The following PPP6R3 variants were observed in gnomAD, a reference collection of about 807,000 sequenced individuals.
PPP6R3 encodes serine/threonine-protein phosphatase 6 regulatory subunit 3.
PPP6R3 carries 38 observed loss-of-function variants against 110.7 expected under a neutral mutation model. That is an observed-to-expected ratio of 0.34 (90% CI 0.26 to 0.45). PPP6R3 has a LOEUF of 0.45. Ranked by LOEUF, PPP6R3 falls within the 20% of genes least tolerant of loss-of-function variation. The probability of loss-of-function intolerance (pLI) is 1.00; values close to 1 mark genes in which losing one functional copy is unlikely to be tolerated. For synonymous variants in PPP6R3, 369 were observed against 373.5 expected (o/e 0.99, Z 0.14); for missense variants, 870 against 1,062.4 (o/e 0.82, Z 2.52).
At chr11:68,558,977 T>C (rs1294201448) in intron 8 of PPP6R3, among the ~76,000 whole-genome samples, 1 of 152,246 alleles carries the variant, frequency 6.6e-6, no homozygotes, top group East Asian at 1.9e-4. Flanking sequence ...AAAACATGTA[T>C]AATGGCTGAA....
chr11:68,493,303 G>A (rs1475092193), intron 1 of PPP6R3, among the ~76,000 whole-genome samples: 1 of 152,034 alleles, frequency 6.6e-6, no homozygotes, highest in East Asian at 1.9e-4. Context: ...TTATATTACA[G>A]TATACATTGG....
chr11:68,590,784 A>G, intron 17 of PPP6R3, 70 bp downstream of exon 17: 2 of 1,437,156 alleles, frequency 1.4e-6, no homozygotes, highest in Non-Finnish European at 1.9e-6. Flanking sequence ...CCCTGTGTGG[A>G]TGCCACATGC....
At chr11:68,590,736 A>G in intron 17 of PPP6R3, 22 bp downstream of exon 17, 1 of 1,562,778 alleles carries the variant, frequency 6.4e-7, no homozygotes, top group Non-Finnish European at 8.7e-7. Flanking sequence ...CTCTGTTGTG[A>G]GCAGTGTGGC....
Position 68,570,949 on chromosome 11 carries a change from A to T in PPP6R3, c.1279-91A>T, listed in dbSNP as rs1293558368. The T allele has an allele frequency of 6.9e-6, 10 of 1,445,496 alleles. No homozygotes were observed. The East Asian group carries it at 2.4e-4, about 35-fold the overall frequency. The allele number at this position is 1,445,496 out of a possible 1,614,324, so 89.5% of individuals were successfully genotyped here. On this transcript the variant is annotated intron_variant, in intron 11 of 23. Coordinates refer to ENST00000393800, the MANE Select transcript of PPP6R3 (RefSeq NM_001164161.2). ...ACATTTAGCTTGCTAGATTATGCAT[A>T]CTACTATTCTCTTTAACCTAGAGTT...
chr11:68,575,766 C>T (rs2099528608), intron 13 of PPP6R3, among the ~76,000 whole-genome samples, 192 bp from the exon 14 acceptor site: 1 of 152,188 alleles, frequency 6.6e-6, no homozygotes. Flanking sequence ...GGATTTGGGC[C>T]TATGGAAGGT....
At chr11:68,595,968 G>T in intron 18 of PPP6R3, 129 bp from the exon 19 acceptor site, 3 of 1,194,192 alleles carry the variant, frequency 2.5e-6, no homozygotes, top group East Asian at 2.5e-5. Flanking sequence ...TGACCACGTG[G>T]TGCTCAGACA....
chr11:68,493,657 TAC>T (rs1211426881), intron 1 of PPP6R3, among the ~76,000 whole-genome samples: 3 of 141,482 alleles, frequency 2.1e-5, no homozygotes, highest in Non-Finnish European at 1.5e-5. Context: ...TACAAAAAAA[TAC>T]ACACACACAC....
At chr11:68,469,463 T>C (rs75793402) in intron 1 of PPP6R3, among the ~76,000 whole-genome samples, 2,069 of 151,754 alleles carry the variant, frequency 0.014, 57 homozygotes, top group African/African-American at 0.047. Context: ...TTGACTGACC[T>C]CCCTGGCTGA....
intron 1 of PPP6R3, among the ~76,000 whole-genome samples, chr11:68,472,352 C>G (rs1352253704): frequency 2.6e-5 from 4 of 152,070 alleles, no homozygotes; most frequent in African/African-American, 9.7e-5. Flanking sequence ...CTTTGTCCTG[C>G]CATTGGAGAA....
intron 8 of PPP6R3, among the ~76,000 whole-genome samples, chr11:68,561,760 C>G (rs1004897853): frequency 6.6e-6 from 1 of 152,100 alleles, no homozygotes. Flanking sequence ...ATAAAGCCCT[C>G]TTTCATTTTA....
intron 1 of PPP6R3, among the ~76,000 whole-genome samples, chr11:68,518,625 T>C (rs2099148602): frequency 6.6e-6 from 1 of 152,214 alleles, no homozygotes; most frequent in South Asian, 2.1e-4. Context: ...ACCTAACTGG[T>C]AAAATATTTT....
At chr11:68,531,468 G>A (rs890142600) in intron 2 of PPP6R3, among the ~76,000 whole-genome samples, 1 of 151,962 alleles carries the variant, frequency 6.6e-6, no homozygotes, top group African/African-American at 2.4e-5. Flanking sequence ...CTCCCGAGTA[G>A]CTGGGACTAC....
chr11:68,607,729 G>C (rs1437884216), intron 22 of PPP6R3, among the ~76,000 whole-genome samples: 3 of 151,926 alleles, frequency 2.0e-5, no homozygotes, highest in Non-Finnish European at 4.4e-5. Flanking sequence ...CTATCTATCT[G>C]TCTGTCTGCC....
chr11:68,608,732 C>G (rs1941755199), intron 22 of PPP6R3, among the ~76,000 whole-genome samples: 1 of 152,134 alleles, frequency 6.6e-6, no homozygotes, highest in African/African-American at 2.4e-5. Context: ...CCCCGACTTG[C>G]TGAGTTAAGA....
intron 20 of PPP6R3, among the ~76,000 whole-genome samples, chr11:68,601,204 G>A (rs750699605): frequency 1.3e-5 from 2 of 152,060 alleles, no homozygotes; most frequent in Admixed American, 6.6e-5. Context: ...ATACATTTCC[G>A]CCTACTCCTT....
intron 1 of PPP6R3, among the ~76,000 whole-genome samples, chr11:68,466,152 T>G (rs551941414): frequency 6.6e-6 from 1 of 152,312 alleles, no homozygotes; most frequent in South Asian, 2.1e-4. Context: ...TCCTGCTGCA[T>G]TATGGATCTA....
intron 1 of PPP6R3, among the ~76,000 whole-genome samples, chr11:68,485,718 A>G (rs548307571): frequency 7.4e-6 from 1 of 135,120 alleles, no homozygotes; most frequent in African/African-American, 2.5e-5. Flanking sequence ...TTTTGAGACA[A>G]GAGTCTCACT....
intron 1 of PPP6R3, among the ~76,000 whole-genome samples, chr11:68,505,890 G>A (rs927750252): frequency 6.6e-6 from 1 of 152,130 alleles, no homozygotes; most frequent in African/African-American, 2.4e-5. Context: ...CTACACATTA[G>A]AAGGTTTAGG....
intron 12 of PPP6R3, among the ~76,000 whole-genome samples, chr11:68,572,581 G>A (rs2153790940): frequency 6.6e-6 from 1 of 152,262 alleles, no homozygotes; most frequent in South Asian, 2.1e-4. Context: ...CAGGCACGGT[G>A]GGAGATGCCT....
Sources: gnomAD v4.1 joint callset for allele counts (sites outside exome capture counted in the v4.1 genomes callset) on GRCh38, gnomAD v4.1.1 for gene constraint, MANE v1.5 for transcripts, NCBI Gene and HGNC (gene_info 2026-07-23, HGNC 2026-07-21) for gene names.